The following EFCAB13 variants were observed in gnomAD, a reference collection of about 807,000 sequenced individuals.
EFCAB13 encodes EF-hand calcium-binding domain-containing protein 13.
In EFCAB13, 91 loss-of-function variants were observed where a neutral mutation model predicts 110.2. The ratio of observed to expected loss-of-function variants is 0.83; its 90% CI spans 0.70 to 0.98. The LOEUF (loss-of-function observed/expected upper bound fraction) is 0.98. Among genes scored for constraint, EFCAB13 ranks in the 50% least tolerant of loss-of-function variants. EFCAB13 has a pLI of 0.00. For missense variants in EFCAB13, 968 were observed against 1,119.4 expected, an observed-to-expected ratio of 0.86 and a Z score of 1.93; for synonymous variants, 323 against 369.9, an observed-to-expected ratio of 0.87 and a Z score of 1.45.
At chr17:47,400,606 T>C (rs895799664) in intron 17 of EFCAB13, among the ~76,000 whole-genome samples, 10 of 148,718 alleles carry the variant, frequency 6.7e-5, no homozygotes, top group African/African-American at 2.6e-4. Flanking sequence ...TCCTTGCCTC[T>C]CTCCCTCCCT....
chr17:47,412,981 G>C, intron 22 of EFCAB13, 65 bp downstream of exon 22: 1 of 1,537,356 alleles, frequency 6.5e-7, no homozygotes, highest in South Asian at 1.3e-5. Context: ...TAGTCTTAGA[G>C]TGTACCTATA....
chr17:47,330,618 A>G (rs2065314380), intron 4 of EFCAB13, among the ~76,000 whole-genome samples: 1 of 152,162 alleles, frequency 6.6e-6, no homozygotes, highest in East Asian at 1.9e-4. Flanking sequence ...AAGTTGCTGC[A>G]AAAGACATTA....
chr17:47,405,027 T>C (rs917404826), intron 20 of EFCAB13, among the ~76,000 whole-genome samples: 1 of 152,144 alleles, frequency 6.6e-6, no homozygotes, highest in African/African-American at 2.4e-5. Context: ...CTTTGGTAAA[T>C]ATCCTTTTAG....
At chr17:47,367,655 C>T (rs1226849122) in intron 10 of EFCAB13, among the ~76,000 whole-genome samples, 2 of 152,196 alleles carry the variant, frequency 1.3e-5, no homozygotes, top group African/African-American at 4.8e-5. Context: ...ACACCCACTA[C>T]GTTTCTGGAA....
chr17:47,437,512 T>C (rs1905235940), intron 24 of EFCAB13, among the ~76,000 whole-genome samples: 2 of 152,236 alleles, frequency 1.3e-5, no homozygotes, highest in Admixed American at 1.3e-4. Context: ...CATTGTATAA[T>C]GTCCTTCTTT....
At chr17:47,404,476 TAA>T (rs10599296) in intron 19 of EFCAB13, 84 bp from the exon 20 acceptor site, 56,685 of 976,362 alleles carry the variant, frequency 0.058, 2,080 homozygotes, top group Non-Finnish European at 0.074. Context: ...GAGAAATATA[TAA>T]GTCATATGCT....
At chr17:47,396,801 A>AT (rs972487358) in intron 17 of EFCAB13, among the ~76,000 whole-genome samples, 30 of 152,218 alleles carry the variant, frequency 2.0e-4, no homozygotes, top group African/African-American at 7.0e-4. Context: ...TTATTGGAAG[A>AT]TTTGAGGTGA....
At chr17:47,413,195 AACAGC>A (rs1170099764) in intron 22 of EFCAB13, among the ~76,000 whole-genome samples, 31 of 152,206 alleles carry the variant, frequency 2.0e-4, no homozygotes, top group Admixed American at 3.3e-4. Context: ...AAAACATGAC[AACAGC>A]AGCTTATTTT....
intron 18 of EFCAB13, among the ~76,000 whole-genome samples, 161 bp downstream of exon 18, chr17:47,402,364 G>A (rs1286706006): frequency 6.6e-6 from 1 of 152,172 alleles, no homozygotes; most frequent in African/African-American, 2.4e-5. Flanking sequence ...AACATTGGCT[G>A]GCATATAGGA....
At chr17:47,378,047 G>A (rs1228533138) in intron 13 of EFCAB13, 144 bp downstream of exon 13, 14 of 768,566 alleles carry the variant, frequency 1.8e-5, no homozygotes, top group Admixed American at 3.9e-5. Context: ...TATAAAAATG[G>A]AAAATAGTAA....
Position 47,374,828 on chromosome 17 carries a change from A to G in EFCAB13, c.1234A>G (p.Ser412Gly). Residue 412 changes from serine (S) to glycine (G), a missense_variant, in exon 12 of 25, where the codon AGT becomes GGT. Transcript: ENST00000331493. Reference sequence around the variant, plus strand: ...AAAGTCTAAACCACAAAGCTTGAAGAGTAGTACAAGCCTCAGTAAGTCTCT... The same window carrying G: ...AAAGTCTAAACCACAAAGCTTGAAGGGTAGTACAAGCCTCAGTAAGTCTCT... ...DSKSKPQSLKSSTSLSKSLDK... is the reference protein window; with the variant it reads ...DSKSKPQSLKGSTSLSKSLDK... 1.9e-6 allele frequency: 3 copies of G among 1,614,118 alleles called. No individual in the cohort carries two copies. The highest frequency in any genetic ancestry group is 2.5e-6 in the Non-Finnish European group (3 of 1,179,990).
In EFCAB13 at chr17:47,335,205, A is replaced by G. The variant is rs1467480276; in HGVS notation, c.40A>G (p.Asn14Asp). 1 of 1,599,580 alleles carries G rather than the reference A, an allele frequency of 6.3e-7. No individual in the cohort carries two copies. ...CTCTTATATTCCCCAGGCAGAGGAA[A>G]ATATTGACTTATTAGATGATGGCTC... Reference protein sequence around the residue: ...KVHLFCQAEENIDLLDDGSNS... With the variant: ...KVHLFCQAEEDIDLLDDGSNS... Residue 14 changes from asparagine (N) to aspartate (D), a missense_variant, in exon 5 of 25, where the codon AAT (asparagine) becomes GAT (aspartate). Asn to Asp is a conservative substitution (Grantham distance 23). Coordinates refer to ENST00000331493, the MANE Select transcript of EFCAB13 (RefSeq NM_152347.5).
intron 14 of EFCAB13, among the ~76,000 whole-genome samples, chr17:47,379,491 G>A (rs560733728): frequency 5.9e-5 from 9 of 151,948 alleles, no homozygotes; most frequent in Middle Eastern, 3.4e-3. Flanking sequence ...TAAATGTATG[G>A]TAATAATGAT....
rs753501839 is a variant in EFCAB13, at chr17:47,374,741, C to T, written c.1147C>T (p.Pro383Ser). The T allele has an allele frequency of 1.2e-6, 2 of 1,613,844 alleles. No homozygotes were observed. The highest frequency in any genetic ancestry group is 1.7e-4 in the Middle Eastern group (1 of 6,056). The change falls in exon 12 of 25, where the codon CCA becomes TCA. Residue 383 changes from proline (P) to serine (S), a missense_variant. Coordinates refer to ENST00000331493, the MANE Select transcript of EFCAB13 (RefSeq NM_152347.5). ...VGSSNVGVQE[P>S]YSKNGINFKK... ...CAGCAGTAATGTAGGAGTCCAAGAACCATATTCAAAGAATGGCATAAACTT... is the reference window on the plus strand; with the variant it reads ...CAGCAGTAATGTAGGAGTCCAAGAATCATATTCAAAGAATGGCATAAACTT...
At chr17:47,345,973 T>TA (rs1043399405) in intron 8 of EFCAB13, among the ~76,000 whole-genome samples, 1 of 152,172 alleles carries the variant, frequency 6.6e-6, no homozygotes, top group Non-Finnish European at 1.5e-5. Flanking sequence ...TTAATTAAAA[T>TA]AAAATTAAAA....
chr17:47,328,535 A>G (rs1783433752), intron 4 of EFCAB13, 152 bp downstream of exon 4: 3 of 642,572 alleles, frequency 4.7e-6, no homozygotes, highest in South Asian at 4.2e-5. Context: ...GAGTCATTTT[A>G]GTGAACATGT....
Position 47,394,095 on chromosome 17 carries a change from A to G in EFCAB13, c.1797A>G (p.Lys599=). The G allele has an allele frequency of 6.6e-7, 1 of 1,515,654 alleles. No individual in the cohort carries two copies. The highest frequency in any genetic ancestry group is 8.8e-7 in the Non-Finnish European group (1 of 1,132,254). 93.9% of individuals were successfully genotyped at this position (1,515,654 alleles called of 1,614,324 possible). A position where few individuals can be genotyped will look rare whatever the true frequency, so the allele number is the denominator to read the frequency against. Reference sequence around the variant, plus strand: ...GCAACACGGAATGCTTCTCTGAAAAATTAGGTACGTAAGAATATCATGTCT... The same window carrying G: ...GCAACACGGAATGCTTCTCTGAAAAGTTAGGTACGTAAGAATATCATGTCT... ...MMSNTECFSE[K]LVLPDAIETL... is the part of the protein sequence containing the mutation. Residue 599 remains lysine, a synonymous_variant, in exon 16 of 25, where the codon AAA becomes AAG. Coordinates refer to ENST00000331493, the MANE Select transcript of EFCAB13 (RefSeq NM_152347.5).
At chr17:47,367,059 G>A (rs2065550738) in intron 10 of EFCAB13, among the ~76,000 whole-genome samples, 1 of 152,188 alleles carries the variant, frequency 6.6e-6, no homozygotes. Flanking sequence ...AAGAACATGG[G>A]ACATGGAATC....
At chr17:47,393,753 T>TAAAA (rs200501700) in intron 15 of EFCAB13, among the ~76,000 whole-genome samples, 13 of 132,268 alleles carry the variant, frequency 9.8e-5, no homozygotes, top group African/African-American at 2.6e-4. Context: ...AATAAATAAA[T>TAAAA]AAAAATAAAA....
Sources: allele counts gnomAD v4.1 joint callset (sites outside exome capture counted in the v4.1 genomes callset), GRCh38; gene constraint gnomAD v4.1.1; transcripts MANE v1.5; gene names NCBI Gene and HGNC (gene_info 2026-07-23, HGNC 2026-07-21).